Variants in C12orf42 observed in about 807,000 individuals in gnomAD.
The protein encoded by C12orf42 is uncharacterized protein C12orf42.
A neutral mutation model predicts 21.6 loss-of-function variants in C12orf42; 25 were observed. The ratio of observed to expected loss-of-function variants is 1.16; its 90% CI spans 0.84 to 1.62. The LOEUF (loss-of-function observed/expected upper bound fraction) is 1.62. C12orf42 is among the 40% of genes most tolerant of loss of function. The pLI is 0.00. For synonymous variants in C12orf42, 174 were observed against 175.0 expected (o/e 0.99, Z 0.05); for missense variants, 483 against 459.3 (o/e 1.05, Z -0.47).
chr12:103,308,022 T>C (rs2038547461), intron 4 of C12orf42, among the ~76,000 whole-genome samples: 2 of 152,180 alleles, frequency 1.3e-5, no homozygotes, highest in Admixed American at 1.3e-4. Flanking sequence ...TGAGCTGGGT[T>C]TGAATCCTGA....
At chr12:103,052,697 T>A in the C12orf42 span, among the ~76,000 whole-genome samples, 1 of 152,074 alleles carries the variant, frequency 6.6e-6, no homozygotes, top group African/African-American at 2.4e-5. Flanking sequence ...TTGTAGTTAG[T>A]GCTGTTATAT....
At chr12:103,437,750 G>A (rs919241549) in intron 2 of C12orf42, among the ~76,000 whole-genome samples, 88 of 147,310 alleles carry the variant, frequency 6.0e-4, no homozygotes, top group South Asian at 2.5e-3. Flanking sequence ...ATCTGAAATT[G>A]AGACAATAAT....
intron 3 of C12orf42, among the ~76,000 whole-genome samples, chr12:103,391,484 C>T (rs761649643): frequency 3.3e-5 from 5 of 152,066 alleles, no homozygotes; most frequent in African/African-American, 1.2e-4. Flanking sequence ...AGTGATACCT[C>T]ATCGTGGTTT....
the C12orf42 span, among the ~76,000 whole-genome samples, chr12:103,141,820 G>A: frequency 3.3e-5 from 5 of 152,000 alleles, no homozygotes; most frequent in Admixed American, 6.6e-5. Flanking sequence ...ATGAGCCACC[G>A]CACCCAGCCA....
chr12:103,349,502 C>T (rs940425678), intron 4 of C12orf42, among the ~76,000 whole-genome samples: 4 of 152,010 alleles, frequency 2.6e-5, no homozygotes, highest in East Asian at 1.9e-4. Flanking sequence ...TAATTCAAAC[C>T]AAAAGAGTTC....
At chr12:103,275,252 G>C (rs1175529583) in intron 5 of C12orf42, among the ~76,000 whole-genome samples, 1 of 151,980 alleles carries the variant, frequency 6.6e-6, no homozygotes, top group Non-Finnish European at 1.5e-5. Context: ...AAATAAAACA[G>C]GTTGATAGAA....
the C12orf42 span, among the ~76,000 whole-genome samples, chr12:103,134,294 G>T: frequency 6.6e-6 from 1 of 151,896 alleles, no homozygotes; most frequent in Non-Finnish European, 1.5e-5. Context: ...CAAGTAAAAA[G>T]TTTAAAATAT....
chr12:103,368,848 G>A (rs1001658236), intron 4 of C12orf42, 39 bp downstream of exon 4: 1 of 1,093,478 alleles, frequency 9.1e-7, no homozygotes, highest in Non-Finnish European at 1.3e-6. Context: ...GAGTTTCTTT[G>A]GAAACTCTGG....
At chr12:103,213,282 C>G in the C12orf42 span, among the ~76,000 whole-genome samples, 2 of 152,128 alleles carry the variant, frequency 1.3e-5, no homozygotes, top group East Asian at 1.9e-4. Context: ...AGGAGAATGA[C>G]TTGCCCAAGC....
intron 4 of C12orf42, among the ~76,000 whole-genome samples, chr12:103,357,152 T>C (rs1186999598): frequency 1.8e-5 from 1 of 55,796 alleles, no homozygotes; most frequent in Non-Finnish European, 3.3e-5. Context: ...TGTTGTGGGG[T>C]GGGGGGAGGG....
chr12:103,470,535 C>A (rs1418708254), intron 2 of C12orf42, among the ~76,000 whole-genome samples: 4 of 152,152 alleles, frequency 2.6e-5, no homozygotes, highest in Admixed American at 2.6e-4. Context: ...TTTTTACATG[C>A]AATTCTCAAT....
chr12:103,131,950 A>G, the C12orf42 span, among the ~76,000 whole-genome samples: 1 of 152,050 alleles, frequency 6.6e-6, no homozygotes, highest in South Asian at 2.1e-4. Flanking sequence ...GGTGGTGGAT[A>G]ATACTGTTTT....
At chr12:103,069,542 A>T in the C12orf42 span, among the ~76,000 whole-genome samples, 5 of 152,190 alleles carry the variant, frequency 3.3e-5, no homozygotes, top group Non-Finnish European at 7.3e-5. Context: ...CATTTATTAA[A>T]TCTTGTTCTG....
intron 1 of C12orf42, 70 bp from the exon 2 acceptor site, chr12:103,478,517 G>C: frequency 1.5e-6 from 1 of 674,666 alleles, no homozygotes; most frequent in Non-Finnish European, 2.3e-6. Flanking sequence ...AGAAAAAAAT[G>C]ACATCTTTAA....
chr12:103,524,169 A>G, the C12orf42 span, among the ~76,000 whole-genome samples: 1 of 152,144 alleles, frequency 6.6e-6, no homozygotes, highest in Non-Finnish European at 1.5e-5. Context: ...TTTTGCAAGG[A>G]TTTCTTGCTC....
chr12:103,529,463 G>A, the C12orf42 span, among the ~76,000 whole-genome samples: 7 of 152,250 alleles, frequency 4.6e-5, no homozygotes, highest in East Asian at 7.7e-4. Context: ...TCAACAGTGC[G>A]TCGGCTCTCC....
chr12:103,170,461 T>C, the C12orf42 span, among the ~76,000 whole-genome samples: 1 of 152,120 alleles, frequency 6.6e-6, no homozygotes, highest in Non-Finnish European at 1.5e-5. Flanking sequence ...TTTGACCACT[T>C]TATACTTCCC....
chr12:103,321,759 G>A (rs1450610420), intron 4 of C12orf42, among the ~76,000 whole-genome samples: 13 of 146,918 alleles, frequency 8.8e-5, no homozygotes, highest in South Asian at 4.5e-4. Context: ...GTAAACTATC[G>A]CAAGAACAAA....
chr12:103,388,840 GCCT>G (rs1256418046), intron 3 of C12orf42, among the ~76,000 whole-genome samples: 1 of 152,076 alleles, frequency 6.6e-6, no homozygotes, highest in Non-Finnish European at 1.5e-5. Context: ...TGCCTCCTCC[GCCT>G]CCTCCTCCTT....
Sources: gnomAD v4.1 joint callset for allele counts (sites outside exome capture counted in the v4.1 genomes callset) on GRCh38, gnomAD v4.1.1 for gene constraint, MANE v1.5 for transcripts, NCBI Gene and HGNC (gene_info 2026-07-23, HGNC 2026-07-21) for gene names.